Variants in CDH12 observed in about 807,000 individuals in gnomAD.
CDH12 encodes the protein cadherin-12.
Under a neutral mutation model 74.1 loss-of-function variants are expected in CDH12, and 41 were observed. The observed-to-expected ratio is 0.55, with a 90% CI of 0.43 to 0.72. CDH12 has a LOEUF of 0.72. Ranked by LOEUF, CDH12 falls within the 30% of genes least tolerant of loss-of-function variation. The probability of loss-of-function intolerance (pLI) is 0.00; values close to 1 mark genes in which losing one functional copy is unlikely to be tolerated. For synonymous variants in CDH12, 399 were observed against 355.0 expected, an observed-to-expected ratio of 1.12 and a Z score of -1.39; for missense variants, 945 against 977.2, an observed-to-expected ratio of 0.97 and a Z score of 0.44.
intron 1 of CDH12, among the ~76,000 whole-genome samples, chr5:22,650,595 G>T (rs1174434195): frequency 6.6e-6 from 1 of 152,046 alleles, no homozygotes; most frequent in Non-Finnish European, 1.5e-5. Flanking sequence ...GAAGTTAGAA[G>T]GAAAAGAATT....
intron 7 of CDH12, among the ~76,000 whole-genome samples, chr5:21,852,340 T>C (rs1053123690): frequency 6.6e-6 from 1 of 151,312 alleles, no homozygotes; most frequent in Non-Finnish European, 1.5e-5. Flanking sequence ...TTCTAAATAA[T>C]AAACATTATA....
intron 14 of CDH12, among the ~76,000 whole-genome samples, chr5:21,755,273 A>G (rs1284809828): frequency 6.6e-6 from 1 of 152,176 alleles, no homozygotes; most frequent in African/African-American, 2.4e-5. Context: ...ATATTTATTA[A>G]AGAGGATTTC....
At chr5:21,821,660 C>T (rs1415416937) in intron 8 of CDH12, among the ~76,000 whole-genome samples, 1 of 151,782 alleles carries the variant, frequency 6.6e-6, no homozygotes, top group African/African-American at 2.4e-5. Flanking sequence ...CAAATTATTT[C>T]AAATTGATGA....
chr5:22,448,074 G>T (rs75989628), intron 2 of CDH12, among the ~76,000 whole-genome samples: 1,981 of 148,324 alleles, frequency 0.013, 55 homozygotes, highest in African/African-American at 0.047. Context: ...GATTGCTTGA[G>T]CCCAAGAGGC....
chr5:22,059,288 TATCTATC>T (rs772404605), intron 5 of CDH12, among the ~76,000 whole-genome samples: 150 of 144,606 alleles, frequency 1.0e-3, no homozygotes, highest in African/African-American at 3.2e-3. Context: ...TCTATCTATC[TATCTATC>T]ATCTATCTAT....
chr5:21,861,018 T>C (rs1751016691), intron 6 of CDH12, among the ~76,000 whole-genome samples: 1 of 152,060 alleles, frequency 6.6e-6, no homozygotes, highest in South Asian at 2.1e-4. Flanking sequence ...CTGTGAGTTT[T>C]AATTCCATGC....
intron 5 of CDH12, among the ~76,000 whole-genome samples, chr5:21,978,482 A>G (rs575836027): frequency 5.3e-4 from 81 of 152,288 alleles, no homozygotes; most frequent in Non-Finnish European, 8.7e-4. Context: ...ATGTAAATAT[A>G]TAACTGAAAG....
intron 4 of CDH12, among the ~76,000 whole-genome samples, chr5:22,147,126 A>G (rs1747238095): frequency 6.6e-6 from 1 of 152,190 alleles, no homozygotes; most frequent in East Asian, 1.9e-4. Context: ...TTATTCTCCA[A>G]CTCTTTGTTA....
intron 1 of CDH12, among the ~76,000 whole-genome samples, chr5:22,572,797 T>C (rs2126768373): frequency 6.6e-6 from 1 of 152,326 alleles, no homozygotes; most frequent in South Asian, 2.1e-4. Context: ...TATATTCTAT[T>C]GAGTGTTCTA....
intron 1 of CDH12, among the ~76,000 whole-genome samples, chr5:22,693,706 G>A (rs1192379858): frequency 6.6e-6 from 1 of 151,532 alleles, no homozygotes; most frequent in Non-Finnish European, 1.5e-5. Context: ...TATTTAATAG[G>A]ATATCATATT....
At chr5:21,898,635 G>A (rs1285518497) in intron 6 of CDH12, among the ~76,000 whole-genome samples, 1 of 152,060 alleles carries the variant, frequency 6.6e-6, no homozygotes, top group East Asian at 1.9e-4. Context: ...TTGGGAGGCT[G>A]AGGTTGAAAT....
intron 5 of CDH12, among the ~76,000 whole-genome samples, chr5:22,066,475 C>A (rs890978705): frequency 6.6e-6 from 1 of 152,140 alleles, no homozygotes; most frequent in Non-Finnish European, 1.5e-5. Context: ...TGCCAGTTAG[C>A]ATAAAGACTT....
At chr5:22,077,082 G>T (rs573726762) in intron 5 of CDH12, among the ~76,000 whole-genome samples, 1 of 151,202 alleles carries the variant, frequency 6.6e-6, no homozygotes, top group African/African-American at 2.4e-5. Context: ...GTGTGTGCGC[G>T]TGTGTATTTG....
chr5:21,860,022 A>G (rs1231074685), intron 6 of CDH12, among the ~76,000 whole-genome samples: 1 of 151,964 alleles, frequency 6.6e-6, no homozygotes, highest in East Asian at 1.9e-4. Flanking sequence ...AGGTAAAAAA[A>G]AAACATGACC....
rs182476147 is a variant in CDH12, at chr5:22,309,253, G to C, written c.-333+96004C>G. ...TGTGTAAACCTATCAGATTAGTAAAGAACAGAAGAATATGTATGTTTCTAA... is the reference window on the plus strand; with the variant it reads ...TGTGTAAACCTATCAGATTAGTAAACAACAGAAGAATATGTATGTTTCTAA... On this transcript the variant is annotated intron_variant, in intron 3 of 14. Transcript: ENST00000382254. Among the ~76,000 whole-genome samples, 584 of 152,162 alleles carry C rather than the reference G, an allele frequency of 3.8e-3. 1 individual carries two copies. The highest frequency in any genetic ancestry group is 5.9e-3 in the Non-Finnish European group (404 of 67,994).
intron 4 of CDH12, among the ~76,000 whole-genome samples, chr5:22,205,548 T>C (rs1313422596): frequency 1.3e-5 from 2 of 152,152 alleles, no homozygotes; most frequent in African/African-American, 4.8e-5. Context: ...CTATTGTTTA[T>C]AGATTTTAGC....
chr5:22,325,609 A>G (rs915453431), intron 3 of CDH12, among the ~76,000 whole-genome samples: 11 of 152,080 alleles, frequency 7.2e-5, no homozygotes, highest in African/African-American at 2.7e-4. Flanking sequence ...AATAACGGCC[A>G]GGCGCGGTGG....
intron 6 of CDH12, among the ~76,000 whole-genome samples, chr5:21,878,832 GAAAA>G (rs1752083720): frequency 8.2e-6 from 1 of 121,938 alleles, no homozygotes; most frequent in South Asian, 2.6e-4. Context: ...GAAAAGAAAA[GAAAA>G]GAAAGAGAGG....
Position 22,158,719 on chromosome 5 carries a change from T to C in CDH12, c.-187+53779A>G, listed in dbSNP as rs1311346737. On this transcript the variant is annotated intron_variant, in intron 4 of 14. Coordinates refer to ENST00000382254, the MANE Select transcript of CDH12 (RefSeq NM_004061.5). ...TGACAGAATACACTTTTTGTTTGCA[T>C]GATGACAATACATGTTTAAATAAAA... Among the ~76,000 whole-genome samples, 12 of 152,128 alleles carry C rather than the reference T, an allele frequency of 7.9e-5. 1 individual carries two copies. The highest frequency in any genetic ancestry group is 5.2e-4 in the Admixed American group (8 of 15,262).
Sources: gnomAD v4.1 joint callset for allele counts (sites outside exome capture counted in the v4.1 genomes callset) on GRCh38, gnomAD v4.1.1 for gene constraint, MANE v1.5 for transcripts, NCBI Gene and HGNC (gene_info 2026-07-23, HGNC 2026-07-21) for gene names.